PREX1: variants seen among roughly 807,000 people sequenced by gnomAD.
PREX1 encodes the protein phosphatidylinositol 3,4,5-trisphosphate-dependent Rac exchanger 1 protein.
PREX1 carries 41 observed loss-of-function variants against 198.3 expected under a neutral mutation model. That is an observed-to-expected ratio of 0.21 (90% confidence interval 0.16 to 0.27). The LOEUF (loss-of-function observed/expected upper bound fraction) is 0.27, where lower values mean the gene tolerates loss of function less well. PREX1 is among the 10% of genes least tolerant of loss of function. The pLI, the probability that PREX1 is intolerant of heterozygous loss-of-function variation, is 1.00. For synonymous variants in PREX1, 843 were observed against 887.2 expected, an observed-to-expected ratio of 0.95 and a Z score of 0.89; for missense variants, 1,620 against 2,200.7, an observed-to-expected ratio of 0.74 and a Z score of 5.28.
intron 5 of PREX1, among the ~76,000 whole-genome samples, chr20:48,720,604 C>A (rs1270085610): frequency 6.6e-6 from 1 of 152,080 alleles, no homozygotes; most frequent in Non-Finnish European, 1.5e-5. Context: ...TCCCCTTCCC[C>A]CTCCACCCAT....
intron 15 of PREX1, among the ~76,000 whole-genome samples, chr20:48,665,042 T>C (rs1370079564): frequency 5.0e-5 from 6 of 120,294 alleles, no homozygotes; most frequent in African/African-American, 1.3e-4. Context: ...TAATCCCGAC[T>C]CCAGACGGCC....
At chr20:48,884,797 A>C in the PREX1 span, among the ~76,000 whole-genome samples, 2 of 152,242 alleles carry the variant, frequency 1.3e-5, no homozygotes, top group Non-Finnish European at 2.9e-5. Context: ...ATATCTAAAG[A>C]ATACAACCCA....
the PREX1 span, among the ~76,000 whole-genome samples, chr20:48,856,477 A>G: frequency 6.6e-6 from 1 of 152,196 alleles, no homozygotes; most frequent in Non-Finnish European, 1.5e-5. Flanking sequence ...CCTTCAAGGA[A>G]TGGAAACAGC....
chr20:48,650,817 T>C (rs1371202395), intron 23 of PREX1, 77 bp downstream of exon 23: 1 of 1,545,686 alleles, frequency 6.5e-7, no homozygotes, highest in African/African-American at 1.4e-5. Flanking sequence ...GCTTTGTAAT[T>C]TACAACCCAA....
At chr20:48,832,112 G>C (rs1250132709), upstream of PREX1, among the ~76,000 whole-genome samples, 2 of 126,446 alleles carry the variant, frequency 1.6e-5, no homozygotes, top group Admixed American at 1.6e-4. Context: ...GGAGGAAGAA[G>C]AAAAAAAAAA....
chr20:48,855,754 C>T, the PREX1 span, among the ~76,000 whole-genome samples: 1 of 152,228 alleles, frequency 6.6e-6, no homozygotes, highest in Admixed American at 6.5e-5. Flanking sequence ...CAAAATTAGC[C>T]GGTTGTGGTG....
Position 48,642,227 on chromosome 20 carries a change from G to A in PREX1, c.3716C>T (p.Pro1239Leu). The A allele has an allele frequency of 6.2e-7, 1 of 1,614,190 alleles. No homozygotes were observed. The highest frequency in any genetic ancestry group is 8.5e-7 in the Non-Finnish European group (1 of 1,180,022). Reference protein sequence around the residue: ...VDSINALLKGPVMSRAFEETK... With the variant: ...VDSINALLKGLVMSRAFEETK... ...CTCTTCGAAAGCCCGGCTCATGACT[G>A]GCCCCTTGAGGAGAGCATTGATGGA... Residue 1239 changes from proline to leucine, a missense_variant, in exon 29 of 40, where the codon CCA (proline) becomes CTA (leucine). Pro to Leu is a moderately conservative substitution (Grantham distance 98, BLOSUM62 -3). Coordinates refer to ENST00000371941, the MANE Select transcript of PREX1 (RefSeq NM_020820.4).
rs529409422 is a variant in PREX1 at position 48,789,576 on chromosome 20, A to G, written c.219+38066T>C. Among the ~76,000 whole-genome samples, 6 of 152,384 alleles carry G rather than the reference A, an allele frequency of 3.9e-5. No individual in the cohort carries two copies. In the South Asian group the frequency reaches 1.0e-3, roughly 26 times the overall value. On this transcript the variant is annotated intron_variant, in intron 1 of 39. Transcript: ENST00000371941. ...CTGTGGCAGGGCCAGGCTATCAGCC[A>G]GCCCCCACGCAGCCACTTGAAATGA...
rs1316542463 is a variant in PREX1, at chr20:48,642,431, G to A, written c.3660C>T (p.Gly1220=). 7 of 1,613,592 alleles carry A rather than the reference G, an allele frequency of 4.3e-6. No homozygotes were observed. The highest frequency in any genetic ancestry group is 5.9e-6 in the Non-Finnish European group (7 of 1,179,592). ...IPSDKQDKLH[G]CLEHLFNQVD... is the part of the protein sequence containing the mutation. ...CCTGGTTAAAGAGGTGCTCCAGGCA[G>A]CCATGAAGCTTGTCCTGCTTGTCAG... is the stretch of plus-strand genomic sequence containing the variant. Residue 1220 remains glycine (G), a synonymous_variant, in exon 28 of 40, where the codon GGC becomes GGT. Transcript: ENST00000371941.
chr20:48,648,268 G>C (rs373446274), intron 25 of PREX1, among the ~76,000 whole-genome samples: 5 of 152,308 alleles, frequency 3.3e-5, no homozygotes, highest in East Asian at 3.9e-4. Flanking sequence ...ACTTCCGCAG[G>C]TGTCTCTAAT....
chr20:48,733,429 T>A (rs1304871809), intron 4 of PREX1, among the ~76,000 whole-genome samples: 1 of 152,172 alleles, frequency 6.6e-6, no homozygotes, highest in Non-Finnish European at 1.5e-5. Flanking sequence ...CCAACGAGCA[T>A]CAGACCTAGG....
At chr20:48,743,857 T>C (rs2090093845) in intron 3 of PREX1, among the ~76,000 whole-genome samples, 1 of 152,218 alleles carries the variant, frequency 6.6e-6, no homozygotes, top group Non-Finnish European at 1.5e-5. Context: ...GCTGAATGAC[T>C]GCATCTTGGG....
chr20:48,716,854 C>G (rs1288251197), intron 5 of PREX1, among the ~76,000 whole-genome samples: 1 of 152,058 alleles, frequency 6.6e-6, no homozygotes, highest in Non-Finnish European at 1.5e-5. Flanking sequence ...TGCTGGTGAC[C>G]AACGACGCCA....
intron 3 of PREX1, among the ~76,000 whole-genome samples, chr20:48,743,983 TGA>T (rs1351055144): frequency 6.7e-6 from 1 of 148,430 alleles, no homozygotes; most frequent in African/African-American, 2.5e-5. Flanking sequence ...CTTGGAGAAG[TGA>T]GTTAGTGATG....
chr20:48,638,384 T>A (rs2089382636), intron 30 of PREX1, among the ~76,000 whole-genome samples: 1 of 152,040 alleles, frequency 6.6e-6, no homozygotes, highest in Admixed American at 6.5e-5. Context: ...CATATTCTCA[T>A]CCTACATGGG....
intron 1 of PREX1, among the ~76,000 whole-genome samples, chr20:48,814,102 G>A (rs190533469): frequency 2.5e-4 from 38 of 152,242 alleles, no homozygotes; most frequent in Non-Finnish European, 4.7e-4. Flanking sequence ...CCCAGGCTGC[G>A]GCTGCCCCTA....
chr20:48,689,243 G>A (rs2089803643), intron 9 of PREX1, among the ~76,000 whole-genome samples: 1 of 152,050 alleles, frequency 6.6e-6, no homozygotes, highest in Non-Finnish European at 1.5e-5. Context: ...ACACTCATAG[G>A]ACCTGACCCT....
chr20:48,839,587 C>T, the PREX1 span, among the ~76,000 whole-genome samples: 1 of 152,236 alleles, frequency 6.6e-6, no homozygotes, highest in South Asian at 2.1e-4. Flanking sequence ...CAACTCCATG[C>T]TCAGTGTTCC....
At position 48,738,053 on chromosome 20, in the gene PREX1, T is replaced by C. The variant is rs555124642; in HGVS notation, c.415-3403A>G. 3.2e-4 allele frequency among the ~76,000 whole-genome samples: 49 copies of C among 152,300 alleles called. No individual in the cohort carries two copies. The South Asian group carries it at 6.6e-3, about 21-fold the overall frequency. The stretch of plus-strand genomic sequence containing the variant: ...TCTTAAAGGCAGAAAATGAAAGACA[T>C]GGACCCAAATCTTAGTGAGGTGACA... On this transcript the variant is annotated intron_variant, in intron 3 of 39. Transcript: ENST00000371941.
Sources: allele counts gnomAD v4.1 joint callset (sites outside exome capture counted in the v4.1 genomes callset), GRCh38; gene constraint gnomAD v4.1.1; transcripts MANE v1.5; gene names NCBI Gene and HGNC (gene_info 2026-07-23, HGNC 2026-07-21).